Variants in KIF6 observed in about 807,000 individuals in gnomAD.
KIF6 encodes the protein kinesin-like protein KIF6.
Under a neutral mutation model 112.7 loss-of-function variants are expected in KIF6, and 106 were observed. That is an observed-to-expected ratio of 0.94 (90% CI 0.80 to 1.11). The LOEUF is 1.11. Among genes scored for constraint, KIF6 ranks in the 50% least tolerant of loss-of-function variants. The pLI is 0.00. For missense variants in KIF6, 929 were observed against 964.0 expected (o/e 0.96, Z 0.48); for synonymous variants, 339 against 339.9 (o/e 1.00, Z 0.03).
At chr6:39,622,099 G>A (rs146865294) in intron 5 of KIF6, among the ~76,000 whole-genome samples, 91 of 151,730 alleles carry the variant, frequency 6.0e-4, no homozygotes, top group African/African-American at 2.0e-3. Flanking sequence ...CCCAGAAGGC[G>A]GAGGTTGCAG....
At chr6:39,349,366 C>T (rs926526046) in intron 19 of KIF6, among the ~76,000 whole-genome samples, 8 of 151,892 alleles carry the variant, frequency 5.3e-5, no homozygotes, top group African/African-American at 1.7e-4. Context: ...AGGCTGGCAG[C>T]GGCATGATCA....
chr6:39,616,560 T>C (rs981947568), intron 5 of KIF6, among the ~76,000 whole-genome samples: 2 of 152,188 alleles, frequency 1.3e-5, no homozygotes, highest in African/African-American at 2.4e-5. Flanking sequence ...TGAAACACAA[T>C]CTTCCCTCAC....
chr6:39,643,597 C>G (rs1447820754), intron 3 of KIF6, among the ~76,000 whole-genome samples: 1 of 152,108 alleles, frequency 6.6e-6, no homozygotes, highest in Non-Finnish European at 1.5e-5. Flanking sequence ...AACAAATGAT[C>G]CTTGGACAAC....
intron 14 of KIF6, among the ~76,000 whole-genome samples, chr6:39,423,717 A>G (rs1351790700): frequency 1.3e-5 from 2 of 152,036 alleles, no homozygotes; most frequent in African/African-American, 4.8e-5. Flanking sequence ...CGGATGGCTC[A>G]TGTCAGTAAC....
chr6:39,696,588 C>T (rs947112277), intron 3 of KIF6, among the ~76,000 whole-genome samples: 1 of 152,048 alleles, frequency 6.6e-6, no homozygotes, highest in South Asian at 2.1e-4. Context: ...TTTTTCTTCA[C>T]TGATGAATCT....
In KIF6 at chr6:39,456,939, C is replaced by A. The variant is rs550184345; in HGVS notation, c.1646-25778G>T. ...TAATAATGGAGACTTTAACACCCCA[C>A]TGTCAACATTAGACAGATCAATGAG... is the stretch of plus-strand genomic sequence containing the variant. On this transcript the variant is annotated intron_variant, in intron 13 of 22. Coordinates refer to ENST00000287152, the MANE Select transcript of KIF6 (RefSeq NM_145027.6). Among the ~76,000 whole-genome samples the A allele has an allele frequency of 2.0e-5, 3 of 151,418 alleles. No homozygotes were observed. The East Asian group carries it at 5.8e-4, about 29-fold the overall frequency.
chr6:39,488,981 C>T (rs999096636), intron 13 of KIF6, among the ~76,000 whole-genome samples: 1 of 152,270 alleles, frequency 6.6e-6, no homozygotes, highest in South Asian at 2.1e-4. Flanking sequence ...CTTCCAAAGT[C>T]TTGACAGCAG....
At chr6:39,630,558 C>T (rs556614229) in intron 5 of KIF6, among the ~76,000 whole-genome samples, 1 of 152,116 alleles carries the variant, frequency 6.6e-6, no homozygotes, top group African/African-American at 2.4e-5. Flanking sequence ...GCCATAATCA[C>T]TTATGAATTC....
chr6:39,663,899 A>G (rs960347950), intron 3 of KIF6, among the ~76,000 whole-genome samples: 2 of 151,810 alleles, frequency 1.3e-5, no homozygotes, highest in Admixed American at 6.6e-5. Context: ...TAAGAAAGAA[A>G]TGTAAAGCAA....
chr6:39,608,368 T>C (rs1213166354), intron 6 of KIF6, among the ~76,000 whole-genome samples: 2 of 152,224 alleles, frequency 1.3e-5, no homozygotes, highest in African/African-American at 4.8e-5. Context: ...AACACTTATA[T>C]TAGCCTACAG....
chr6:39,337,224 TTTC>T (rs1286117384), intron 22 of KIF6, among the ~76,000 whole-genome samples: 3,267 of 116,540 alleles, frequency 0.028, 316 homozygotes, highest in African/African-American at 0.14. Context: ...TCTTTCTTTC[TTTC>T]TTTCTTTCTT....
chr6:39,359,371 G>A (rs1279034105), intron 18 of KIF6, among the ~76,000 whole-genome samples: 2 of 152,014 alleles, frequency 1.3e-5, no homozygotes, highest in African/African-American at 2.4e-5. Context: ...ATTTGTCTAG[G>A]AAATATGCAA....
chr6:39,724,187 A>G (rs1790395820), intron 1 of KIF6, among the ~76,000 whole-genome samples: 2 of 152,204 alleles, frequency 1.3e-5, no homozygotes, highest in Non-Finnish European at 2.9e-5. Context: ...GCGGTGGCTC[A>G]CGCCTGTAAT....
intron 3 of KIF6, among the ~76,000 whole-genome samples, chr6:39,692,047 A>G (rs1017006801): frequency 2.0e-5 from 3 of 152,226 alleles, no homozygotes; most frequent in Middle Eastern, 3.2e-3. Context: ...ACTCCAGATA[A>G]AAACATAGAT....
intron 3 of KIF6, among the ~76,000 whole-genome samples, chr6:39,696,565 C>G (rs914801001): frequency 1.3e-5 from 2 of 152,146 alleles, no homozygotes; most frequent in South Asian, 4.1e-4. Context: ...CTTTAAGTCA[C>G]TATTGTCTTA....
intron 1 of KIF6, among the ~76,000 whole-genome samples, chr6:39,724,943 T>C (rs1302205069): frequency 1.3e-5 from 2 of 152,158 alleles, no homozygotes; most frequent in Non-Finnish European, 2.9e-5. Context: ...TATACAGGCA[T>C]ACTGAACATG....
chr6:39,608,308 T>C (rs1407970553), intron 6 of KIF6, among the ~76,000 whole-genome samples: 1 of 152,192 alleles, frequency 6.6e-6, no homozygotes, highest in African/African-American at 2.4e-5. Context: ...TTAATACACC[T>C]AACCTACTGA....
At chr6:39,702,670 G>A (rs944716489) in intron 3 of KIF6, among the ~76,000 whole-genome samples, 6 of 152,112 alleles carry the variant, frequency 3.9e-5, no homozygotes, top group Non-Finnish European at 8.8e-5. Flanking sequence ...CCGAAGTGGT[G>A]GAATTGTAGG....
intron 16 of KIF6, among the ~76,000 whole-genome samples, chr6:39,368,510 G>C (rs1765737642): frequency 6.6e-6 from 1 of 152,182 alleles, no homozygotes; most frequent in Admixed American, 6.5e-5. Flanking sequence ...ACTCGTCGTT[G>C]GTATTTGAAG....
Sources: allele counts gnomAD v4.1 joint callset (sites outside exome capture counted in the v4.1 genomes callset), GRCh38; gene constraint gnomAD v4.1.1; transcripts MANE v1.5; gene names NCBI Gene and HGNC (gene_info 2026-07-23, HGNC 2026-07-21).